Variants in SSH3 observed in about 807,000 individuals in gnomAD.
The protein encoded by SSH3 is slingshot protein phosphatase 3, also known as protein phosphatase Slingshot homolog 3.
A neutral mutation model predicts 75.0 loss-of-function variants in SSH3; 67 were observed. That is an observed-to-expected ratio of 0.89 (90% CI 0.73 to 1.10). The LOEUF is 1.10. Among genes scored for constraint, SSH3 ranks in the 50% least tolerant of loss-of-function variants. The pLI is 0.00. For missense variants in SSH3, 824 were observed against 872.7 expected (o/e 0.94, Z 0.70); for synonymous variants, 318 against 349.2 (o/e 0.91, Z 1.00).
Position 67,309,509 on chromosome 11 carries a change from T to C in SSH3, c.1174T>C (p.Trp392Arg). 6.2e-7 allele frequency: 1 copy of C among 1,614,086 alleles called. No homozygotes were observed. Among genetic ancestry groups the C allele is most frequent in the Non-Finnish European group, 8.5e-7 (1 of 1,180,026 alleles). The change falls in exon 11 of 14, where the codon TGG (tryptophan) becomes CGG (arginine). Residue 392 changes from tryptophan (W) to arginine (R), a missense_variant. Trp to Arg is a moderately radical substitution (Grantham distance 101, BLOSUM62 -3). Transcript: ENST00000308127. ...DEESAQLLPH[W>R]KETHRFIEAA... ...GGAGTCGGCCCAGCTGCTGCCGCAC[T>C]GGAAGGAGACGCACCGCTTCATTGA...
rs780187148 is a variant in SSH3, at chr11:67,308,280, G to A, written c.992G>A (p.Arg331His). 2.1e-5 allele frequency: 34 copies of A among 1,614,012 alleles called. No individual in the cohort carries two copies. In the Admixed American group the frequency reaches 4.5e-4, roughly 21 times the overall value. Residue 331 changes from arginine to histidine, a missense_variant, in exon 9 of 14, where the codon CGC (arginine) becomes CAC (histidine). Physicochemically the swap from Arg to His is conservative, Grantham distance 29. Coordinates refer to ENST00000308127, the MANE Select transcript of SSH3 (RefSeq NM_017857.4). The surrounding 1 kb of genome is among the most constrained non-coding windows in gnomAD (Gnocchi z 4.9). ...LLVAQRDRAS[R>H]IFPHLYLGSE... is the part of the protein sequence containing the mutation. Reference sequence around the variant, plus strand: ...GTGGCACAGCGGGACCGAGCCTCCCGCATCTTCCCCCACCTCTACCTGGTG... The same window carrying A: ...GTGGCACAGCGGGACCGAGCCTCCCACATCTTCCCCCACCTCTACCTGGTG...
rs1403904540 is a variant in SSH3, at chr11:67,304,812, G to A, written c.144G>A (p.Leu48=). 6 of 1,612,384 alleles carry A rather than the reference G, an allele frequency of 3.7e-6. No homozygotes were observed. Among genetic ancestry groups the A allele is most frequent in the Middle Eastern group, 1.7e-4 (1 of 6,030 alleles). The part of the protein sequence containing the change: ...FAVLRGAVLG[L]QDGGDNDDAA... ...TGCTCCGTGGGGCTGTCCTGGGACT[G>A]CAGGATGGAGGGGACAATGATGATG... The change falls in exon 3 of 14, where the codon CTG becomes CTA. Residue 48 remains leucine (L), a synonymous_variant. Transcript: ENST00000308127.
rs770496590 is a variant in SSH3 at position 67,311,573 on chromosome 11, A to G, written c.1684-18A>G. On this transcript the variant is annotated intron_variant, in intron 13 of 13. Transcript: ENST00000308127. ...CAGAAAGGCCTCCCATGGCTTCCGT[A>G]TCCTCACACCTGTCCAGGTCTTCTC... The G allele has an allele frequency of 5.6e-6, 9 of 1,612,294 alleles. No homozygotes were observed. Among genetic ancestry groups the G allele is most frequent in the South Asian group, 4.4e-5 (4 of 91,024 alleles).
chr11:67,303,885 C>A, intron 1 of SSH3, 194 bp downstream of exon 1: 1 of 757,674 alleles, frequency 1.3e-6, no homozygotes, highest in Non-Finnish European at 2.0e-6. Flanking sequence ...GCGCGCCGCC[C>A]GGGCTGCGGA....
chr11:67,310,489 AC>A, intron 13 of SSH3, 150 bp downstream of exon 13: 1 of 1,038,420 alleles, frequency 9.6e-7, no homozygotes, highest in Non-Finnish European at 1.4e-6. Flanking sequence ...TCCTGGGAGG[AC>A]CCAGGGGGCC....
At position 67,306,971 on chromosome 11, in the gene SSH3, AG is replaced by A. The variant is rs1328010613; in HGVS notation, c.464+12del. 1 of 1,612,258 alleles carries A rather than the reference AG, an allele frequency of 6.2e-7. No homozygotes were observed. Reference sequence around the variant, plus strand: ...GATTTCCCTGACAGCAGGTTCGAGCAGGGAGAGGAAAGGAGGGGCAAAGAGG... The same window carrying A: ...GATTTCCCTGACAGCAGGTTCGAGCAGGAGAGGAAAGGAGGGGCAAAGAGG... On this transcript the variant is annotated intron_variant, in intron 4 of 13. Transcript: ENST00000308127.
At chr11:67,303,899 C>T in intron 1 of SSH3, 1 of 770,094 alleles carries the variant, frequency 1.3e-6, no homozygotes. Context: ...CTGCGGAGGC[C>T]CCGATCTGAG....
At position 67,304,963 on chromosome 11, in the gene SSH3, C is replaced by T. The variant is rs766322478; in HGVS notation, c.295C>T (p.His99Tyr). 4.3e-6 allele frequency: 7 copies of T among 1,613,236 alleles called. No homozygotes were observed. The highest frequency in any genetic ancestry group is 2.7e-5 in the African/African-American group (2 of 75,012). Residue 99 changes from histidine to tyrosine, a missense_variant, in exon 3 of 14, where the codon CAC becomes TAC. Coordinates refer to ENST00000308127, the MANE Select transcript of SSH3 (RefSeq NM_017857.4). ...QKQEEQRQHL[H>Y]LMVQLLRPQD... Reference sequence around the variant, plus strand: ...GCAGGAGGAGCAGAGGCAGCACCTGCACCTCATGGTACAGCTGCTGAGGCC... The same window carrying T: ...GCAGGAGGAGCAGAGGCAGCACCTGTACCTCATGGTACAGCTGCTGAGGCC...
rs745872825 is a variant in SSH3 at position 67,308,365 on chromosome 11, A to G, written c.1015-47A>G. On this transcript the variant is annotated intron_variant, in intron 9 of 13. Transcript: ENST00000308127. This position sits in a 1 kb window ranked among gnomAD's most constrained non-coding sequence, Gnocchi z 4.9. ...GCAGCTGTGAGGGCGGCAGGCCAGG[A>G]GCAGAGGCTGGAGGAGAGGAGAAAT... The G allele has an allele frequency of 1.4e-5, 22 of 1,613,870 alleles. No individual in the cohort carries two copies. The highest frequency in any genetic ancestry group is 1.7e-4 in the Middle Eastern group (1 of 6,060).
Position 67,304,942 on chromosome 11 carries a change from G to A in SSH3, c.274G>A (p.Glu92Lys). ...GQGSQSPQKQ[E>K]EQRQHLHLMV... ...AGGATCCCAGAGTCCCCAGAAGCAG[G>A]AGGAGCAGAGGCAGCACCTGCACCT... Residue 92 changes from glutamate (E) to lysine (K), a missense_variant, in exon 3 of 14, where the codon GAG becomes AAG. Glu to Lys is a moderately conservative substitution (Grantham distance 56). Coordinates refer to ENST00000308127, the MANE Select transcript of SSH3 (RefSeq NM_017857.4). 6.2e-7 allele frequency: 1 copy of A among 1,613,620 alleles called. No homozygotes were observed.
intron 3 of SSH3, among the ~76,000 whole-genome samples, 166 bp from the exon 4 acceptor site, chr11:67,306,672 C>T (rs770969575): frequency 6.6e-6 from 1 of 152,142 alleles, no homozygotes; most frequent in Non-Finnish European, 1.5e-5. Context: ...GTCCCATTCC[C>T]CGCTTTTTTC....
In SSH3 at chr11:67,307,367, G is replaced by A. The variant is rs770720402; in HGVS notation, c.537-4G>A. 5.6e-5 allele frequency: 90 copies of A among 1,613,702 alleles called. No individual in the cohort carries two copies. The highest frequency in any genetic ancestry group is 7.0e-5 in the Non-Finnish European group (83 of 1,180,002). On this transcript the variant is annotated splice_region_variant and splice_polypyrimidine_tract_variant and intron_variant, in intron 5 of 13. Transcript: ENST00000308127. The surrounding 1 kb of genome is among the most constrained non-coding windows in gnomAD (Gnocchi z 4.2). Reference sequence around the variant, plus strand: ...TGGCCTCACCTGTGCCTGGTCTCCTGCAGGGGCTTCAGCGTGACGTCTGGT... The same window carrying A: ...TGGCCTCACCTGTGCCTGGTCTCCTACAGGGGCTTCAGCGTGACGTCTGGT...
chr11:67,304,291 C>T (rs1861163186), intron 2 of SSH3, 136 bp downstream of exon 2: 8 of 707,082 alleles, frequency 1.1e-5, no homozygotes, highest in Non-Finnish European at 1.6e-5. Flanking sequence ...TGTGGGGCAG[C>T]GTTCCCGGTG....
At position 67,307,342 on chromosome 11, in the gene SSH3, T is replaced by C. The variant is rs780265041; in HGVS notation, c.537-29T>C. On this transcript the variant is annotated intron_variant, in intron 5 of 13. Coordinates refer to ENST00000308127, the MANE Select transcript of SSH3 (RefSeq NM_017857.4). The surrounding 1 kb of genome is among the most constrained non-coding windows in gnomAD (Gnocchi z 4.2). ...GTTCTCTGTCGCAGAGCCTGGAGTC[T>C]GGCCTCACCTGTGCCTGGTCTCCTG... 6.2e-7 allele frequency: 1 copy of C among 1,613,160 alleles called. No homozygotes were observed. The highest frequency in any genetic ancestry group is 2.2e-5 in the East Asian group (1 of 44,872).
chr11:67,303,639 C>A lies in SSH3; in HGVS notation c.14C>A (p.Thr5Lys). The A allele has an allele frequency of 6.6e-7, 1 of 1,515,184 alleles. No individual in the cohort carries two copies. Among genetic ancestry groups the A allele is most frequent in the Non-Finnish European group, 8.8e-7 (1 of 1,138,254 alleles). The allele number at this position is 1,515,184 out of a possible 1,614,324, so 93.9% of individuals were successfully genotyped here. MALV[T>K]VSRSPPGSGA... is the part of the protein sequence containing the mutation. ...CGGCCTGGCTCCATGGCCCTGGTCA[C>A]AGTGAGCCGTTCGCCCCCGGGCAGC... Residue 5 changes from threonine (T) to lysine (K), a missense_variant, in exon 1 of 14, where the codon ACA (threonine) becomes AAA (lysine). Coordinates refer to ENST00000308127, the MANE Select transcript of SSH3 (RefSeq NM_017857.4).
chr11:67,304,194 C>A, intron 2 of SSH3, 39 bp downstream of exon 2: 1 of 1,509,330 alleles, frequency 6.6e-7, no homozygotes, highest in Non-Finnish European at 9.1e-7. Context: ...TTCCGTCTGC[C>A]CCGGGCCTGG....
chr11:67,309,665 TCTCTA>T, intron 11 of SSH3, 98 bp from the exon 12 acceptor site: 2 of 1,579,002 alleles, frequency 1.3e-6, no homozygotes, highest in South Asian at 2.3e-5. Context: ...CTTCCCTCCT[TCTCTA>T]CTCTCAGTTG....
Position 67,304,053 on chromosome 11 carries a change from C to T in SSH3, c.67-65C>T, listed in dbSNP as rs544375464. The T allele has an allele frequency of 8.9e-5, 136 of 1,527,652 alleles. No individual in the cohort carries two copies. The African/African-American group carries it at 1.6e-3, about 19-fold the overall frequency. The allele number at this position is 1,527,652 out of a possible 1,614,324, so 94.6% of individuals were successfully genotyped here. A position where few individuals can be genotyped will look rare whatever the true frequency, so the allele number is the denominator to read the frequency against. On this transcript the variant is annotated intron_variant, in intron 1 of 13. Coordinates refer to ENST00000308127, the MANE Select transcript of SSH3 (RefSeq NM_017857.4). ...TCTGGCCTCCCCCAACTCTAGAATT[C>T]CTGAGAGAGGGGAGGGGACAGCCCT...
In SSH3 at chr11:67,312,589, C is replaced by T. The variant is rs1861436631; in HGVS notation, c.*702C>T. ...TGTACTGAGAAATAAAACACATTTT[C>T]ATATTTGGTTATTTTCAATGTGACG... On this transcript the variant is annotated 3_prime_UTR_variant, in exon 14 of 14. Coordinates refer to ENST00000308127, the MANE Select transcript of SSH3 (RefSeq NM_017857.4). 1 of 152,216 alleles carries T rather than the reference C, an allele frequency of 6.6e-6. No homozygotes were observed. Among genetic ancestry groups the T allele is most frequent in the African/African-American group, 2.4e-5 (1 of 41,428 alleles). The allele number at this position is 152,216 out of a possible 1,614,324, so 9.4% of individuals were successfully genotyped here.
Sources: allele counts gnomAD v4.1 joint callset (sites outside exome capture counted in the v4.1 genomes callset), GRCh38; gene constraint gnomAD v4.1.1; non-coding constraint Gnocchi (gnomAD v3.1); transcripts MANE v1.5; gene names NCBI Gene and HGNC (gene_info 2026-07-23, HGNC 2026-07-21).